Variants in DLGAP4 observed in about 807,000 individuals in gnomAD.
DLGAP4 encodes DLG associated protein 4.
Under a neutral mutation model 86.9 loss-of-function variants are expected in DLGAP4, and 18 were observed. The observed-to-expected ratio is 0.21, with a 90% CI of 0.14 to 0.31. The LOEUF is 0.31. Ranked by LOEUF, DLGAP4 falls within the 10% of genes least tolerant of loss-of-function variation. DLGAP4 has a pLI of 1.00. For missense variants in DLGAP4, 1,085 were observed against 1,362.6 expected (o/e 0.80, Z 3.21); for synonymous variants, 548 against 574.3 (o/e 0.95, Z 0.65).
intron 7 of DLGAP4, among the ~76,000 whole-genome samples, chr20:36,458,892 T>C (rs1600560337): frequency 6.6e-6 from 1 of 152,050 alleles, no homozygotes; most frequent in East Asian, 1.9e-4. Flanking sequence ...ACAGGATTCT[T>C]TGGTGGATTG....
At position 36,527,823 on chromosome 20, in the gene DLGAP4, C is replaced by T. The variant is rs2037861450; in HGVS notation, c.*792C>T. ...TCCTGCCCTTTTATTTTCTCCAGCC[C>T]CTTCTTCCTTCAGCAAAATCTAGGA... On this transcript the variant is annotated 3_prime_UTR_variant, in exon 13 of 13. Coordinates refer to ENST00000339266, the MANE Select transcript of DLGAP4 (RefSeq NM_001365621.2). The T allele has an allele frequency of 6.6e-6, 1 of 152,668 alleles. No homozygotes were observed. The highest frequency in any genetic ancestry group is 2.4e-5 in the African/African-American group (1 of 41,422). 9.5% of individuals were successfully genotyped at this position (152,668 alleles called of 1,614,324 possible). A position where few individuals can be genotyped will look rare whatever the true frequency, so the allele number is the denominator to read the frequency against.
chr20:36,515,556 T>TAC (rs2036988351), intron 10 of DLGAP4, among the ~76,000 whole-genome samples: 1 of 152,202 alleles, frequency 6.6e-6, no homozygotes, highest in Admixed American at 6.6e-5. Context: ...CTTACCATGT[T>TAC]ATTTTGGGGG....
At chr20:36,402,778 A>C (rs1407994172) in intron 2 of DLGAP4, among the ~76,000 whole-genome samples, 1 of 152,084 alleles carries the variant, frequency 6.6e-6, no homozygotes, top group African/African-American at 2.4e-5. Context: ...ACAGTAATTC[A>C]TTTACTCCTC....
At chr20:36,370,496 G>A (rs1986897735) in intron 2 of DLGAP4, among the ~76,000 whole-genome samples, 1 of 151,456 alleles carries the variant, frequency 6.6e-6, no homozygotes, top group African/African-American at 2.4e-5. Context: ...AAAAAAAAAA[G>A]TATTAAAGGA....
chr20:36,476,798 C>T (rs952210409), intron 7 of DLGAP4, among the ~76,000 whole-genome samples: 5 of 149,516 alleles, frequency 3.3e-5, no homozygotes, highest in African/African-American at 1.2e-4. Flanking sequence ...ACCTCCGCCT[C>T]CCAGGTTCAA....
chr20:36,494,984 G>GTTTTTTTTTTTTTTTTTTTTTTTTTTT (rs752411826), intron 7 of DLGAP4, among the ~76,000 whole-genome samples: 1 of 75,390 alleles, frequency 1.3e-5, no homozygotes, highest in African/African-American at 5.4e-5. Flanking sequence ...TTTTTGTTCG[G>GTTTTTTTTTTTTTTTTTTTTTTTTTTT]TTTTTTTTTT....
At chr20:36,446,336 C>A (rs1402669541) in intron 6 of DLGAP4, among the ~76,000 whole-genome samples, 1 of 152,202 alleles carries the variant, frequency 6.6e-6, no homozygotes, top group African/African-American at 2.4e-5. Flanking sequence ...CCGCCACCCC[C>A]ATTCCAACAT....
At chr20:36,438,247 G>T (rs2033342575) in intron 4 of DLGAP4, among the ~76,000 whole-genome samples, 1 of 152,040 alleles carries the variant, frequency 6.6e-6, no homozygotes, top group East Asian at 1.9e-4. Context: ...GGCGGTGCAT[G>T]CCTATAATCC....
intron 1 of DLGAP4, among the ~76,000 whole-genome samples, chr20:36,362,402 G>A (rs1820321301): frequency 6.6e-6 from 1 of 152,182 alleles, no homozygotes. Flanking sequence ...CTGGGATGAG[G>A]GCATGGTCTC....
intron 1 of DLGAP4, among the ~76,000 whole-genome samples, chr20:36,331,175 A>G (rs1600404418): frequency 6.6e-6 from 1 of 152,316 alleles, no homozygotes; most frequent in East Asian, 1.9e-4. Context: ...TGAGAAATAA[A>G]TGGGTCCTCC....
At chr20:36,471,750 C>T (rs1253678278) in intron 7 of DLGAP4, among the ~76,000 whole-genome samples, 2 of 152,182 alleles carry the variant, frequency 1.3e-5, no homozygotes, top group African/African-American at 4.8e-5. Context: ...TAGACCAGTT[C>T]CCTGGGTGGG....
chr20:36,406,014 T>A (rs1291897805), intron 2 of DLGAP4, among the ~76,000 whole-genome samples: 1 of 152,070 alleles, frequency 6.6e-6, no homozygotes, highest in Admixed American at 6.6e-5. Context: ...GCATTTGCTG[T>A]TGGAAGCTAG....
intron 2 of DLGAP4, among the ~76,000 whole-genome samples, chr20:36,375,827 G>C (rs2031130866): frequency 6.6e-6 from 1 of 152,156 alleles, no homozygotes; most frequent in African/African-American, 2.4e-5. Context: ...GAGCTTAAAA[G>C]GCCTCAACTG....
At chr20:36,406,222 C>T (rs1371508120) in intron 2 of DLGAP4, among the ~76,000 whole-genome samples, 1 of 152,080 alleles carries the variant, frequency 6.6e-6, no homozygotes, top group African/African-American at 2.4e-5. Context: ...CACGGTGAAA[C>T]CCTGTCTCTA....
At chr20:36,383,281 A>C (rs1307265999) in intron 2 of DLGAP4, among the ~76,000 whole-genome samples, 4 of 152,224 alleles carry the variant, frequency 2.6e-5, no homozygotes, top group Non-Finnish European at 5.9e-5. Flanking sequence ...GGGCAGAAAT[A>C]AATCTAGCCC....
chr20:36,409,267 GTCT>G (rs2032415931), intron 2 of DLGAP4, among the ~76,000 whole-genome samples: 1 of 151,804 alleles, frequency 6.6e-6, no homozygotes, highest in Non-Finnish European at 1.5e-5. Context: ...CGAACTCTTG[GTCT>G]TCAACTCCTG....
intron 1 of DLGAP4, among the ~76,000 whole-genome samples, chr20:36,319,088 A>G (rs553824228): frequency 6.6e-6 from 1 of 151,892 alleles, no homozygotes; most frequent in African/African-American, 2.4e-5. Context: ...GGTTGCAGCA[A>G]GTTGAGATTG....
At chr20:36,357,095 C>T (rs1288154680) in intron 1 of DLGAP4, among the ~76,000 whole-genome samples, 1 of 152,148 alleles carries the variant, frequency 6.6e-6, no homozygotes, top group Non-Finnish European at 1.5e-5. Context: ...CTCCATTGCT[C>T]CCAGGGTAAA....
intron 7 of DLGAP4, among the ~76,000 whole-genome samples, chr20:36,488,704 A>G (rs2035529221): frequency 6.6e-6 from 1 of 151,858 alleles, no homozygotes; most frequent in Non-Finnish European, 1.5e-5. Context: ...CAGCCTCCCA[A>G]ATAGCTGGGA....
Sources: allele counts gnomAD v4.1 joint callset (sites outside exome capture counted in the v4.1 genomes callset), GRCh38; gene constraint gnomAD v4.1.1; transcripts MANE v1.5; gene names NCBI Gene and HGNC (gene_info 2026-07-23, HGNC 2026-07-21).